The following MKLN1 variants were observed in gnomAD, a reference collection of about 807,000 sequenced individuals.
The protein encoded by MKLN1 is muskelin 1.
Under a neutral mutation model 99.0 loss-of-function variants are expected in MKLN1, and 18 were observed. That is an observed-to-expected ratio of 0.18 (90% CI 0.13 to 0.27). The LOEUF (loss-of-function observed/expected upper bound fraction) is 0.27. Ranked by LOEUF, MKLN1 falls within the 10% of genes least tolerant of loss-of-function variation. The probability of loss-of-function intolerance (pLI) is 1.00; values close to 1 mark genes in which losing one functional copy is unlikely to be tolerated. For missense variants in MKLN1, 621 were observed against 875.9 expected (o/e 0.71, Z 3.67); for synonymous variants, 288 against 293.2 (o/e 0.98, Z 0.18).
intron 1 of MKLN1, among the ~76,000 whole-genome samples, chr7:131,127,165 CAAAAAAA>C (rs59463348): frequency 1.0e-5 from 1 of 98,752 alleles, no homozygotes; most frequent in African/African-American, 3.4e-5. Context: ...AACTCCATCT[CAAAAAAA>C]AAAAAAAAAA....
intron 7 of MKLN1, among the ~76,000 whole-genome samples, chr7:131,412,093 C>T (rs1794899874): frequency 6.6e-6 from 1 of 151,734 alleles, no homozygotes; most frequent in Non-Finnish European, 1.5e-5. Context: ...TCTCAAAAAA[C>T]AAAACAATAA....
chr7:131,225,581 CTCTT>C lies in MKLN1; in HGVS notation c.-179+22611_-179+22614del, dbSNP rs1797135101. On this transcript the variant is annotated intron_variant, in intron 3 of 7. Coordinates refer to the MKLN1 transcript ENST00000416992. ...ATTCACTTTGGAGCAACAGATCTCTCTCTTTCTGAGTTTGTCCTTAGGATTCAGC... is the reference window on the plus strand; with the variant it reads ...ATTCACTTTGGAGCAACAGATCTCTCTCTGAGTTTGTCCTTAGGATTCAGC... 2.0e-5 allele frequency among the ~76,000 whole-genome samples: 3 copies of C among 152,204 alleles called. No individual in the cohort carries two copies. In the South Asian group the frequency reaches 6.2e-4, roughly 32 times the overall value.
At chr7:131,153,889 C>T (rs1795927438) in intron 2 of MKLN1, among the ~76,000 whole-genome samples, 1 of 151,966 alleles carries the variant, frequency 6.6e-6, no homozygotes. Context: ...TCTTGAACTG[C>T]TGACTTCAGG....
chr7:131,402,442 T>C (rs939701205), intron 6 of MKLN1, among the ~76,000 whole-genome samples: 17 of 152,224 alleles, frequency 1.1e-4, no homozygotes, highest in Non-Finnish European at 2.5e-4. Flanking sequence ...AATCAACTTC[T>C]TCCAAACTCT....
In MKLN1 at chr7:131,245,466, C is replaced by G. The variant is rs925880557; in HGVS notation, c.-179+42492C>G. The stretch of plus-strand genomic sequence containing the variant: ...CATTTTTAGTAGAGATGGGGTTTCA[C>G]CACATTAGCCAGGCTGGTCTCGAAT... On this transcript the variant is annotated intron_variant, in intron 3 of 7. Coordinates refer to the MKLN1 transcript ENST00000416992. Among the ~76,000 whole-genome samples, 7 of 152,130 alleles carry G rather than the reference C, an allele frequency of 4.6e-5. No individual in the cohort carries two copies. The South Asian group carries it at 1.5e-3, about 32-fold the overall frequency.
chr7:131,123,547 G>T (rs527540679), intron 1 of MKLN1, among the ~76,000 whole-genome samples: 1 of 152,304 alleles, frequency 6.6e-6, no homozygotes, highest in South Asian at 2.1e-4. Flanking sequence ...GGGTGTGGTG[G>T]CCTGTGACGA....
intron 1 of MKLN1, among the ~76,000 whole-genome samples, chr7:131,134,159 C>T (rs2116237363): frequency 6.6e-6 from 1 of 152,194 alleles, no homozygotes; most frequent in Non-Finnish European, 1.5e-5. Flanking sequence ...AGAAACTGTG[C>T]TCATCAGGTC....
chr7:131,230,763 A>G (rs1336222633), intron 3 of MKLN1, among the ~76,000 whole-genome samples: 1 of 151,926 alleles, frequency 6.6e-6, no homozygotes, highest in Admixed American at 6.6e-5. Context: ...AGTCTGGGAG[A>G]GTAATGGCAT....
chr7:131,242,570 G>A (rs1019670954), intron 3 of MKLN1: 19 of 439,684 alleles, frequency 4.3e-5, no homozygotes, highest in African/African-American at 3.7e-4. Flanking sequence ...TTTTGCTATA[G>A]GCCCGAGGGG....
intron 1 of MKLN1, among the ~76,000 whole-genome samples, chr7:131,340,030 GT>G (rs910847106): frequency 2.6e-5 from 4 of 151,794 alleles, no homozygotes; most frequent in African/African-American, 9.7e-5. Context: ...CCCTGGATAT[GT>G]TTCTTTTCCC....
intron 1 of MKLN1, among the ~76,000 whole-genome samples, chr7:131,133,353 C>CTTTTTTT (rs1198245681): frequency 9.3e-4 from 87 of 93,544 alleles, no homozygotes; most frequent in Non-Finnish European, 1.1e-3. Flanking sequence ...TTCTTTCTTT[C>CTTTTTTT]TTTTTTTTTT....
At chr7:131,428,993 T>C (rs755871238) in intron 8 of MKLN1, 40 bp from the exon 9 acceptor site, 13 of 1,550,876 alleles carry the variant, frequency 8.4e-6, no homozygotes, top group Non-Finnish European at 9.8e-6. Flanking sequence ...ATGCTTATTT[T>C]GTCCTTTTTT....
At chr7:131,239,250 C>T (rs927412271) in intron 3 of MKLN1, among the ~76,000 whole-genome samples, 3 of 151,856 alleles carry the variant, frequency 2.0e-5, no homozygotes, top group Non-Finnish European at 4.4e-5. Context: ...TTAATATATG[C>T]ATACATTGTG....
At chr7:131,126,560 ATT>A (rs1186985385) in intron 1 of MKLN1, among the ~76,000 whole-genome samples, 1 of 151,330 alleles carries the variant, frequency 6.6e-6, no homozygotes, top group Admixed American at 6.6e-5. Context: ...TACCATATAT[ATT>A]TTTTTTTCCT....
chr7:131,389,533 CTGTT>C (rs1169806507), intron 4 of MKLN1, among the ~76,000 whole-genome samples: 4 of 151,786 alleles, frequency 2.6e-5, no homozygotes, highest in African/African-American at 9.7e-5. Flanking sequence ...TTGCAAATCA[CTGTT>C]TGAAAAATAT....
intron 1 of MKLN1, among the ~76,000 whole-genome samples, chr7:131,359,269 T>C (rs964281330): frequency 6.6e-6 from 1 of 152,222 alleles, no homozygotes; most frequent in African/African-American, 2.4e-5. Context: ...CTTTGACCCA[T>C]GTATCATTTG....
intron 3 of MKLN1, among the ~76,000 whole-genome samples, chr7:131,258,817 C>A (rs1797693394): frequency 1.3e-5 from 2 of 152,150 alleles, no homozygotes; most frequent in African/African-American, 2.4e-5. Context: ...AATTTCATAA[C>A]CATCTAGAGG....
intron 1 of MKLN1, among the ~76,000 whole-genome samples, chr7:131,115,247 C>T (rs1227935409): frequency 6.6e-6 from 1 of 152,190 alleles, no homozygotes; most frequent in Non-Finnish European, 1.5e-5. Flanking sequence ...TCTCAGGCTT[C>T]AAATTAAATG....
chr7:131,176,132 GA>G (rs984776046), intron 2 of MKLN1, among the ~76,000 whole-genome samples: 1 of 151,930 alleles, frequency 6.6e-6, no homozygotes, highest in African/African-American at 2.4e-5. Context: ...TCAAAACATT[GA>G]ATATTTGTAA....
Sources: gnomAD v4.1 joint callset for allele counts (sites outside exome capture counted in the v4.1 genomes callset) on GRCh38, gnomAD v4.1.1 for gene constraint, MANE v1.5 for transcripts, NCBI Gene and HGNC (gene_info 2026-07-23, HGNC 2026-07-21) for gene names.